RBPJ: variants seen among roughly 807,000 people sequenced by gnomAD.
RBPJ encodes recombination signal binding protein for immunoglobulin kappa J region, also known as recombining binding protein suppressor of hairless.
In RBPJ, 9 loss-of-function variants were observed where a neutral mutation model predicts 67.8. The ratio of observed to expected loss-of-function variants is 0.13; its 90% CI spans 0.08 to 0.23. RBPJ has a LOEUF of 0.23. Among genes scored for constraint, RBPJ ranks in the 10% least tolerant of loss-of-function variants. The pLI, the probability that RBPJ is intolerant of heterozygous loss-of-function variation, is 1.00. For missense variants in RBPJ, 305 were observed against 595.6 expected (o/e 0.51, Z 5.08); for synonymous variants, 198 against 203.3 (o/e 0.97, Z 0.22).
intron 1 of RBPJ, among the ~76,000 whole-genome samples, chr4:26,244,681 G>T (rs1309436634): frequency 6.6e-6 from 1 of 151,980 alleles, no homozygotes; most frequent in Non-Finnish European, 1.5e-5. Context: ...AGGCTGGAGT[G>T]CAGTGGAGCA....
chr4:26,163,952 T>C (rs1350713248), intron 1 of RBPJ, among the ~76,000 whole-genome samples: 1 of 152,270 alleles, frequency 6.6e-6, no homozygotes, highest in Non-Finnish European at 1.5e-5. Context: ...CATAGTTTTC[T>C]AACTCCATAC....
rs1720869781 is a variant in RBPJ at position 26,270,425 on chromosome 4, GAAAGAAAGAAAGAAGAAAGA to G, written c.-166-92018_-166-91999del. 2.4e-4 allele frequency among the ~76,000 whole-genome samples: 13 copies of G among 53,634 alleles called. No individual in the cohort carries two copies. The Admixed American group carries it at 3.1e-3, about 13-fold the overall frequency. The allele number at this position is 53,634 out of a possible 152,430, so 35.2% of individuals were successfully genotyped here. ...AGAAAGAAAGAAAGAAAGAAAGAAAGAAAGAAAGAAAGAAGAAAGAAAGAAAGAAAGAAAAGAAAAGGAAA... is the reference window on the plus strand; with the variant it reads ...AGAAAGAAAGAAAGAAAGAAAGAAAGAAGAAAGAAAGAAAAGAAAAGGAAA... On this transcript the variant is annotated intron_variant, in intron 1 of 4. Coordinates refer to the RBPJ transcript ENST00000512351.
upstream of RBPJ, among the ~76,000 whole-genome samples, chr4:26,317,056 G>T (rs1722675637): frequency 6.6e-6 from 1 of 151,264 alleles, no homozygotes; most frequent in Non-Finnish European, 1.5e-5. Flanking sequence ...CAGCAGCTAA[G>T]GCTTGAATAA....
intron 1 of RBPJ, chr4:26,272,733 G>T (rs899610780): frequency 1.8e-5 from 8 of 453,054 alleles, no homozygotes; most frequent in African/African-American, 1.6e-4. Flanking sequence ...CTGTCCTTGG[G>T]GTGCACCAAC....
At chr4:26,288,521 G>A (rs1721555416) in intron 1 of RBPJ, among the ~76,000 whole-genome samples, 1 of 152,200 alleles carries the variant, frequency 6.6e-6, no homozygotes, top group African/African-American at 2.4e-5. Context: ...CATTGTCACT[G>A]CTGCCACATT....
chr4:26,299,682 T>C (rs1471535550), intron 1 of RBPJ, among the ~76,000 whole-genome samples: 2 of 143,848 alleles, frequency 1.4e-5, no homozygotes, highest in African/African-American at 5.2e-5. Flanking sequence ...CTTTTTTTTT[T>C]TTTTTTTTTT....
At chr4:26,111,510 C>T in the RBPJ span, among the ~76,000 whole-genome samples, 3 of 152,232 alleles carry the variant, frequency 2.0e-5, no homozygotes, top group African/African-American at 7.2e-5. Flanking sequence ...TGCAATTTCA[C>T]AGCATGTTCT....
rs1392993061 is a variant in RBPJ, at chr4:26,380,348, G to C, written c.21-6005G>C. On this transcript the variant is annotated intron_variant, in intron 1 of 10. Transcript: ENST00000355476. The stretch of plus-strand genomic sequence containing the variant: ...GGTCCATAAGGAGATAGATTTGTGT[G>C]TCTTGTTCATTGATGTATACCAGCT... Among the ~76,000 whole-genome samples, 4 of 152,102 alleles carry C rather than the reference G, an allele frequency of 2.6e-5. No individual in the cohort carries two copies. The South Asian group carries it at 8.3e-4, about 32-fold the overall frequency.
intron 1 of RBPJ, among the ~76,000 whole-genome samples, chr4:26,268,339 T>C (rs1444572544): frequency 2.6e-5 from 4 of 152,196 alleles, no homozygotes; most frequent in South Asian, 4.1e-4. Flanking sequence ...GTATTGGAAA[T>C]TGGGCTGTTT....
chr4:26,248,439 T>C (rs1169036070), intron 1 of RBPJ, among the ~76,000 whole-genome samples: 1 of 152,198 alleles, frequency 6.6e-6, no homozygotes, highest in Non-Finnish European at 1.5e-5. Flanking sequence ...ATATGTGAAG[T>C]TCTCATTTGC....
intron 1 of RBPJ, among the ~76,000 whole-genome samples, chr4:26,260,855 C>T (rs1026408388): frequency 1.3e-5 from 2 of 152,174 alleles, no homozygotes; most frequent in African/African-American, 2.4e-5. Flanking sequence ...CTACCCTAAT[C>T]CCTCCTTCCT....
chr4:26,109,103 CTTTTTTTTTT>C, the RBPJ span, among the ~76,000 whole-genome samples: 3 of 130,038 alleles, frequency 2.3e-5, no homozygotes, highest in East Asian at 2.4e-4. Flanking sequence ...TTGCCTTCCT[CTTTTTTTTTT>C]TTTTTTTTTT....
At chr4:26,251,729 T>A (rs1177142114) in intron 1 of RBPJ, among the ~76,000 whole-genome samples, 1 of 151,032 alleles carries the variant, frequency 6.6e-6, no homozygotes, top group African/African-American at 2.4e-5. Context: ...ATGCCTGTAT[T>A]CCCAGCTACT....
rs767008622 is a variant in RBPJ at position 26,406,220 on chromosome 4, A to G, written c.105A>G (p.Val35=). Residue 35 remains valine (V), a synonymous_variant, in exon 3 of 11, where the codon GTA becomes GTG. Transcript: ENST00000355476. ...TAAAAGAGCGAGGGGATCAAACAGTACTTATTCTTCATGCAAAAGTTGCAC... is the reference window on the plus strand; with the variant it reads ...TAAAAGAGCGAGGGGATCAAACAGTGCTTATTCTTCATGCAAAAGTTGCAC... ...NYLKERGDQT[V]LILHAKVAQK... is the part of the protein sequence containing the mutation. The G allele has an allele frequency of 3.7e-5, 60 of 1,612,858 alleles. No individual in the cohort carries two copies. Among genetic ancestry groups the G allele is most frequent in the Non-Finnish European group, 1.7e-5 (20 of 1,179,380 alleles).
chr4:26,244,167 A>G (rs1409025364), intron 1 of RBPJ, among the ~76,000 whole-genome samples: 1 of 149,338 alleles, frequency 6.7e-6, no homozygotes. Context: ...GTATATATAT[A>G]TGTATACACA....
intron 1 of RBPJ, among the ~76,000 whole-genome samples, chr4:26,244,475 A>T (rs1373800569): frequency 6.8e-6 from 1 of 147,288 alleles, no homozygotes; most frequent in Non-Finnish European, 1.5e-5. Flanking sequence ...ATATGTATAC[A>T]TATGTGTGTA....
At chr4:26,159,719 G>T (rs1716042083), upstream of RBPJ, among the ~76,000 whole-genome samples, 1 of 152,148 alleles carries the variant, frequency 6.6e-6, no homozygotes, top group African/African-American at 2.4e-5. Context: ...CTATAACAAA[G>T]ATACCCTAAA....
chr4:26,171,032 C>T (rs777394590), intron 1 of RBPJ, among the ~76,000 whole-genome samples: 1 of 152,162 alleles, frequency 6.6e-6, no homozygotes, highest in Non-Finnish European at 1.5e-5. Flanking sequence ...TATATTAATA[C>T]GTGATCTTGT....
intron 1 of RBPJ, among the ~76,000 whole-genome samples, chr4:26,227,444 T>A (rs551510881): frequency 6.6e-6 from 1 of 152,318 alleles, no homozygotes; most frequent in African/African-American, 2.4e-5. Flanking sequence ...TGGCACATGA[T>A]AAGTGACAAT....
Sources: gnomAD v4.1 joint callset for allele counts (sites outside exome capture counted in the v4.1 genomes callset) on GRCh38, gnomAD v4.1.1 for gene constraint, MANE v1.5 for transcripts, NCBI Gene and HGNC (gene_info 2026-07-23, HGNC 2026-07-21) for gene names.